Variants in AFF3 observed in about 807,000 individuals in gnomAD.
AFF3 encodes AF4/FMR2 family member 3.
AFF3 carries 32 observed loss-of-function variants against 129.7 expected under a neutral mutation model. The ratio of observed to expected loss-of-function variants is 0.25; its 90% CI spans 0.19 to 0.33. The LOEUF (loss-of-function observed/expected upper bound fraction) is 0.33, where lower values mean the gene tolerates loss of function less well. AFF3 is among the 10% of genes least tolerant of loss of function. AFF3 has a pLI of 1.00. For missense variants in AFF3, 1,373 were observed against 1,592.0 expected, an observed-to-expected ratio of 0.86 and a Z score of 2.34; for synonymous variants, 644 against 635.4, an observed-to-expected ratio of 1.01 and a Z score of -0.20.
chr2:99,898,801 C>A (rs1694161884), intron 7 of AFF3, among the ~76,000 whole-genome samples: 1 of 152,190 alleles, frequency 6.6e-6, no homozygotes, highest in South Asian at 2.1e-4. Context: ...CTAAGACAGT[C>A]CCCACTGCCT....
intron 8 of AFF3, among the ~76,000 whole-genome samples, chr2:99,818,146 T>C (rs1338781887): frequency 2.6e-5 from 4 of 152,224 alleles, no homozygotes; most frequent in African/African-American, 7.2e-5. Flanking sequence ...CTGAAAGTTT[T>C]TGAGCACCAA....
chr2:99,743,262 T>C (rs1255022948), intron 10 of AFF3, among the ~76,000 whole-genome samples: 1 of 152,206 alleles, frequency 6.6e-6, no homozygotes, highest in Non-Finnish European at 1.5e-5. Flanking sequence ...TGCTTCCCAG[T>C]GCATTTGCCA....
chr2:99,981,919 A>T (rs2104513156), intron 7 of AFF3, among the ~76,000 whole-genome samples: 1 of 152,318 alleles, frequency 6.6e-6, no homozygotes, highest in South Asian at 2.1e-4. Context: ...TAACTACTAG[A>T]GTCTTTTTTA....
At position 99,663,935 on chromosome 2, in the gene AFF3, T is replaced by C. The variant is rs116217607; in HGVS notation, c.1143+8603A>G. Among the ~76,000 whole-genome samples, 785 of 152,296 alleles carry C rather than the reference T, an allele frequency of 5.2e-3. 7 individuals are homozygous for C. The highest frequency in any genetic ancestry group is 0.017 in the African/African-American group (720 of 41,568). ...CTTAGCTATAGTAATGCCATCTACT[T>C]ATTTGCTTGTGTCCAACCTCCCAAG... On this transcript the variant is annotated intron_variant, in intron 12 of 24. Transcript: ENST00000672756.
rs1559138211 is a variant in AFF3, at chr2:100,128,641, C to T, written c.-145+583G>A. Among the ~76,000 whole-genome samples, 4 of 152,200 alleles carry T rather than the reference C, an allele frequency of 2.6e-5. No homozygotes were observed. In the East Asian group the frequency reaches 7.7e-4, roughly 29 times the overall value. Reference sequence around the variant, plus strand: ...GCGACCTGCATGCCTAGGTCAACCCCATAGCCTTAGATCGAGCCACTGTGA... The same window carrying T: ...GCGACCTGCATGCCTAGGTCAACCCTATAGCCTTAGATCGAGCCACTGTGA... On this transcript the variant is annotated intron_variant, in intron 2 of 24. Transcript: ENST00000672756.
intron 11 of AFF3, among the ~76,000 whole-genome samples, chr2:99,713,075 G>A (rs1320869387): frequency 6.6e-6 from 1 of 152,138 alleles, no homozygotes; most frequent in Non-Finnish European, 1.5e-5. Context: ...CCAGAAATGG[G>A]GAGGAGCAGG....
chr2:99,996,372 A>C (rs919527071), intron 7 of AFF3, among the ~76,000 whole-genome samples: 2 of 152,086 alleles, frequency 1.3e-5, no homozygotes, highest in African/African-American at 4.8e-5. Context: ...AGATTATAGA[A>C]CCACAGGTGA....
At chr2:99,858,640 A>C (rs1690716842) in intron 7 of AFF3, among the ~76,000 whole-genome samples, 1 of 152,212 alleles carries the variant, frequency 6.6e-6, no homozygotes, top group African/African-American at 2.4e-5. Flanking sequence ...TTAGCAAACT[A>C]ACACAGGAAC....
chr2:100,075,334 A>C (rs963820719), intron 4 of AFF3, among the ~76,000 whole-genome samples: 1 of 152,130 alleles, frequency 6.6e-6, no homozygotes, highest in Non-Finnish European at 1.5e-5. Context: ...TTCAAGAACC[A>C]CAGCTCGTGT....
intron 13 of AFF3, among the ~76,000 whole-genome samples, chr2:99,646,670 C>T (rs1191150040): frequency 1.3e-5 from 2 of 152,242 alleles, no homozygotes; most frequent in South Asian, 2.1e-4. Context: ...GTTCCTCTGG[C>T]AGCCAGAACA....
At chr2:99,669,735 C>G (rs1181927999) in intron 12 of AFF3, among the ~76,000 whole-genome samples, 2 of 152,122 alleles carry the variant, frequency 1.3e-5, no homozygotes, top group Non-Finnish European at 2.9e-5. Context: ...TTTGGGAGGC[C>G]GAGGCGGGTG....
intron 8 of AFF3, among the ~76,000 whole-genome samples, chr2:99,807,491 T>C (rs1021052433): frequency 1.3e-5 from 2 of 152,316 alleles, no homozygotes; most frequent in African/African-American, 2.4e-5. Context: ...CTTTTTGATA[T>C]TGAGTCCCAA....
chr2:99,609,794 AC>A (rs1680742807), intron 13 of AFF3, among the ~76,000 whole-genome samples: 2 of 152,230 alleles, frequency 1.3e-5, no homozygotes, highest in African/African-American at 4.8e-5. Context: ...AAACCAGAAA[AC>A]TGACAATGGC....
chr2:99,884,502 G>A (rs552358066), intron 7 of AFF3, among the ~76,000 whole-genome samples: 34 of 152,246 alleles, frequency 2.2e-4, no homozygotes, highest in Admixed American at 1.6e-3. Flanking sequence ...GGGTTCAAGA[G>A]ATTCTCCTGC....
At chr2:99,687,140 C>A (rs544449368) in intron 11 of AFF3, among the ~76,000 whole-genome samples, 1 of 152,276 alleles carries the variant, frequency 6.6e-6, no homozygotes, top group South Asian at 2.1e-4. Context: ...ACATTAAACT[C>A]AGAACAAAGA....
chr2:99,726,942 G>A, intron 11 of AFF3, 135 bp downstream of exon 11: 1 of 791,938 alleles, frequency 1.3e-6, no homozygotes, highest in Non-Finnish European at 1.9e-6. Flanking sequence ...CATTTAGAAA[G>A]ACATTATCAT....
chr2:99,718,941 G>A (rs549244397), intron 11 of AFF3, among the ~76,000 whole-genome samples: 9 of 151,818 alleles, frequency 5.9e-5, no homozygotes, highest in South Asian at 2.1e-4. Flanking sequence ...TAGTAGAGAC[G>A]GGTTTTCACC....
chr2:99,952,406 C>T (rs1273597666), intron 7 of AFF3, among the ~76,000 whole-genome samples: 1 of 152,108 alleles, frequency 6.6e-6, no homozygotes, highest in Non-Finnish European at 1.5e-5. Flanking sequence ...TTTCTTTACA[C>T]ATTACCCAGT....
intron 8 of AFF3, among the ~76,000 whole-genome samples, chr2:99,835,938 A>G (rs1333683165): frequency 6.6e-6 from 1 of 152,204 alleles, no homozygotes; most frequent in Non-Finnish European, 1.5e-5. Context: ...AGCTCTCTTT[A>G]GAAAACAATA....
Sources: gnomAD v4.1 joint callset for allele counts (sites outside exome capture counted in the v4.1 genomes callset) on GRCh38, gnomAD v4.1.1 for gene constraint, MANE v1.5 for transcripts, NCBI Gene and HGNC (gene_info 2026-07-23, HGNC 2026-07-21) for gene names.